Variants in SFMBT2 observed in about 807,000 individuals in gnomAD.
The protein encoded by SFMBT2 is scm-like with four MBT domains protein 2.
SFMBT2 carries 38 observed loss-of-function variants against 110.1 expected under a neutral mutation model. The ratio of observed to expected loss-of-function variants is 0.35; its 90% CI spans 0.27 to 0.45. The LOEUF (loss-of-function observed/expected upper bound fraction) is 0.45. Ranked by LOEUF, SFMBT2 falls within the 20% of genes least tolerant of loss-of-function variation. SFMBT2 has a pLI of 1.00. For missense variants in SFMBT2, 1,011 were observed against 1,094.9 expected (o/e 0.92, Z 1.08); for synonymous variants, 425 against 425.4 (o/e 1.00, Z 0.01).
At chr10:7,361,014 C>T (rs535146864) in intron 4 of SFMBT2, among the ~76,000 whole-genome samples, 12 of 152,180 alleles carry the variant, frequency 7.9e-5, no homozygotes, top group South Asian at 2.1e-4. Context: ...CTAACTATGA[C>T]TTTTGGTTTA....
intron 4 of SFMBT2, among the ~76,000 whole-genome samples, chr10:7,291,674 C>T (rs945810224): frequency 2.6e-5 from 4 of 152,208 alleles, no homozygotes; most frequent in Admixed American, 2.6e-4. Context: ...GTGTCCTGGG[C>T]AGACGGGTCT....
chr10:7,246,983 G>A lies in SFMBT2; in HGVS notation c.972+1565C>T, dbSNP rs79513753. On this transcript the variant is annotated intron_variant, in intron 8 of 20. Transcript: ENST00000397167. ...AGGATACACAGTAAAGAACTCCAAA[G>A]GCCATTTCAAATAAAAGGTTTTTAA... Among the ~76,000 whole-genome samples, 1,300 of 152,102 alleles carry A rather than the reference G, an allele frequency of 8.5e-3. 4 individuals are homozygous for A. The highest frequency in any genetic ancestry group is 0.015 in the Non-Finnish European group (1,022 of 67,986).
At chr10:7,240,126 C>T (rs757687962) in intron 9 of SFMBT2, among the ~76,000 whole-genome samples, 1 of 152,144 alleles carries the variant, frequency 6.6e-6, no homozygotes, top group Non-Finnish European at 1.5e-5. Context: ...CACGTCATGT[C>T]TACCTTCATC....
At chr10:7,297,950 C>T (rs553940494) in intron 4 of SFMBT2, among the ~76,000 whole-genome samples, 52 of 152,296 alleles carry the variant, frequency 3.4e-4, no homozygotes, top group Non-Finnish European at 6.0e-4. Flanking sequence ...GGGAGCACCA[C>T]GGGCTGATGC....
chr10:7,368,438 G>A, intron 3 of SFMBT2: 1 of 836,312 alleles, frequency 1.2e-6, no homozygotes. Flanking sequence ...ACATTGCAAA[G>A]CTGACATATC....
intron 12 of SFMBT2, chr10:7,203,241 A>G (rs1271672536): frequency 3.0e-6 from 1 of 332,080 alleles, no homozygotes; most frequent in Non-Finnish European, 4.3e-6. Context: ...TCTTTAAAGC[A>G]AAATGTATGT....
chr10:7,248,688 T>C, intron 7 of SFMBT2, 39 bp from the exon 8 acceptor site: 23 of 1,587,522 alleles, frequency 1.4e-5, no homozygotes, highest in Non-Finnish European at 1.9e-5. Context: ...AGCCACGGTA[T>C]TGTAAATGAC....
intron 14 of SFMBT2, chr10:7,198,015 T>C (rs901487837): frequency 4.1e-6 from 4 of 985,348 alleles, no homozygotes; most frequent in South Asian, 4.7e-5. Flanking sequence ...TCCTTAATGA[T>C]ACCTTGGAAA....
At chr10:7,282,459 G>T (rs147362175) in intron 6 of SFMBT2, among the ~76,000 whole-genome samples, 6 of 152,132 alleles carry the variant, frequency 3.9e-5, no homozygotes, top group African/African-American at 1.2e-4. Context: ...ACAACTTTAC[G>T]CACAAAGTAA....
chr10:7,197,073 C>G (rs1291801315), intron 15 of SFMBT2, among the ~76,000 whole-genome samples: 2 of 152,032 alleles, frequency 1.3e-5, no homozygotes, highest in Non-Finnish European at 2.9e-5. Flanking sequence ...TGTGCAGGTA[C>G]CAGGTGCTCG....
At chr10:7,386,506 G>T (rs747771415) in intron 1 of SFMBT2, among the ~76,000 whole-genome samples, 28 of 152,028 alleles carry the variant, frequency 1.8e-4, no homozygotes, top group South Asian at 4.1e-4. Context: ...TATTTAGGAG[G>T]CTGTGGCACA....
At chr10:7,358,155 G>C (rs1844581558) in intron 4 of SFMBT2, among the ~76,000 whole-genome samples, 1 of 149,892 alleles carries the variant, frequency 6.7e-6, no homozygotes, top group Non-Finnish European at 1.5e-5. Flanking sequence ...CATGGCCCTG[G>C]AACATCTGCA....
At chr10:7,381,398 G>C (rs1845417776) in intron 2 of SFMBT2, among the ~76,000 whole-genome samples, 1 of 152,170 alleles carries the variant, frequency 6.6e-6, no homozygotes, top group Non-Finnish European at 1.5e-5. Flanking sequence ...TTCCTGTCAA[G>C]GGGTTCTGAG....
chr10:7,272,154 T>C (rs1841605499), intron 7 of SFMBT2, among the ~76,000 whole-genome samples: 2 of 152,162 alleles, frequency 1.3e-5, no homozygotes, highest in Admixed American at 6.5e-5. Context: ...GATCGTACCC[T>C]AGAGTCCAAA....
chr10:7,400,936 C>T (rs2132123363), intron 1 of SFMBT2, among the ~76,000 whole-genome samples: 1 of 152,246 alleles, frequency 6.6e-6, no homozygotes, highest in Admixed American at 6.5e-5. Context: ...AGTTCAAGAC[C>T]AGCCTGGTCA....
intron 4 of SFMBT2, among the ~76,000 whole-genome samples, chr10:7,353,492 A>AG (rs1302054764): frequency 3.3e-5 from 4 of 122,658 alleles, no homozygotes; most frequent in African/African-American, 5.7e-5. Context: ...TAAATCATAA[A>AG]GAAAAAAAAA....
chr10:7,370,155 C>A, intron 3 of SFMBT2, 126 bp downstream of exon 3: 7 of 759,862 alleles, frequency 9.2e-6, no homozygotes, highest in Non-Finnish European at 1.3e-5. Context: ...GTGTGAGCCA[C>A]CATGCCTGGC....
At chr10:7,190,828 A>G (rs1374702036) in intron 15 of SFMBT2, among the ~76,000 whole-genome samples, 1 of 152,124 alleles carries the variant, frequency 6.6e-6, no homozygotes, top group Non-Finnish European at 1.5e-5. Flanking sequence ...CTGTGACCCC[A>G]CCCAAATCTC....
At chr10:7,243,865 A>G (rs1840520205) in intron 8 of SFMBT2, among the ~76,000 whole-genome samples, 160 bp from the exon 9 acceptor site, 1 of 152,224 alleles carries the variant, frequency 6.6e-6, no homozygotes, top group Non-Finnish European at 1.5e-5. Flanking sequence ...AAATTAATTC[A>G]GCTGATAAAA....
Sources: gnomAD v4.1 joint callset for allele counts (sites outside exome capture counted in the v4.1 genomes callset) on GRCh38, gnomAD v4.1.1 for gene constraint, MANE v1.5 for transcripts, NCBI Gene and HGNC (gene_info 2026-07-23, HGNC 2026-07-21) for gene names.